ATR: variants seen among roughly 807,000 people sequenced by gnomAD.
ATR encodes the protein ATR checkpoint kinase, also known as serine/threonine-protein kinase ATR.
In ATR, 142 loss-of-function variants were observed where a neutral mutation model predicts 305.3. The observed-to-expected ratio is 0.47, with a 90% CI of 0.41 to 0.53. ATR has a LOEUF of 0.53. Ranked by LOEUF, ATR falls within the 20% of genes least tolerant of loss-of-function variation. The probability of loss-of-function intolerance (pLI) is 0.00; values close to 1 mark genes in which losing one functional copy is unlikely to be tolerated. For synonymous variants in ATR, 1,050 were observed against 1,068.1 expected (o/e 0.98, Z 0.33); for missense variants, 2,135 against 3,133.1 (o/e 0.68, Z 7.60).
chr3:142,512,192 T>G, intron 27 of ATR, 68 bp downstream of exon 27: 3 of 1,284,442 alleles, frequency 2.3e-6, no homozygotes, highest in Non-Finnish European at 3.2e-6. Flanking sequence ...ATAGAACTGA[T>G]AAAGGGAAGA....
chr3:142,487,832 C>T (rs2031036616), intron 35 of ATR, among the ~76,000 whole-genome samples: 1 of 152,136 alleles, frequency 6.6e-6, no homozygotes, highest in African/African-American at 2.4e-5. Flanking sequence ...AACAATCTAC[C>T]TCAAGTTTAC....
At chr3:142,483,437 A>G (rs1340288405) in intron 36 of ATR, among the ~76,000 whole-genome samples, 1 of 152,188 alleles carries the variant, frequency 6.6e-6, no homozygotes, top group Non-Finnish European at 1.5e-5. Context: ...TAACTAGTTT[A>G]AGAATAAGTA....
Position 142,554,054 on chromosome 3 carries a change from T to G in ATR, c.2342-39A>C, listed in dbSNP as rs767646939. On this transcript the variant is annotated intron_variant, in intron 10 of 46. Transcript: ENST00000350721. ...GTATACAATACCTAATTTAACATAT[T>G]AAATGTCAAGGTTGTACTGTAAAAA... The G allele has an allele frequency of 1.0e-5, 15 of 1,503,736 alleles. No individual in the cohort carries two copies. In the Middle Eastern group the frequency reaches 7.1e-4, roughly 71 times the overall value. 93.1% of individuals were successfully genotyped at this position (1,503,736 alleles called of 1,614,324 possible).
intron 38 of ATR, among the ~76,000 whole-genome samples, chr3:142,468,662 AT>A (rs1194945602): frequency 4.6e-5 from 7 of 152,168 alleles, no homozygotes; most frequent in Non-Finnish European, 1.0e-4. Flanking sequence ...ATGAATTCCC[AT>A]TAATGATGCA....
intron 42 of ATR, among the ~76,000 whole-genome samples, chr3:142,461,110 C>T (rs562712853): frequency 3.3e-5 from 5 of 152,054 alleles, no homozygotes; most frequent in Non-Finnish European, 5.9e-5. Context: ...GTAAGGAGTT[C>T]GGACCAGTTA....
chr3:142,532,110 C>G (rs1216555653), intron 21 of ATR, among the ~76,000 whole-genome samples: 1 of 152,172 alleles, frequency 6.6e-6, no homozygotes, highest in African/African-American at 2.4e-5. Context: ...CACTGTCCTG[C>G]ACCCACTGTC....
At chr3:142,545,047 C>T (rs1460746357) in intron 16 of ATR, among the ~76,000 whole-genome samples, 2 of 152,154 alleles carry the variant, frequency 1.3e-5, no homozygotes, top group African/African-American at 4.8e-5. Flanking sequence ...AGTTCTTGCA[C>T]TCAGACAAAC....
In ATR at chr3:142,560,426, T is replaced by A. The variant is rs772054510; in HGVS notation, c.1378A>T (p.Ser460Cys). 1 of 1,613,076 alleles carries A rather than the reference T, an allele frequency of 6.2e-7. No individual in the cohort carries two copies. Among genetic ancestry groups the A allele is most frequent in the Non-Finnish European group, 8.5e-7 (1 of 1,179,132 alleles). ...EIKHVDMNQKSILWSALKQKA... is the reference protein window; with the variant it reads ...EIKHVDMNQKCILWSALKQKA... ...TGTTTCAGTGCACTCCATAATATGC[T>A]CTTTTGGTTCATGTCCACATGTTTA... The change falls in exon 6 of 47, where the codon AGC becomes TGC. Residue 460 changes from serine to cysteine, a missense_variant. By Grantham distance (112) the Ser-to-Cys change is moderately radical. Coordinates refer to ENST00000350721, the MANE Select transcript of ATR (RefSeq NM_001184.4).
intron 27 of ATR, among the ~76,000 whole-genome samples, chr3:142,511,024 GC>G (rs1370845425): frequency 2.0e-5 from 3 of 152,108 alleles, no homozygotes; most frequent in Non-Finnish European, 4.4e-5. Flanking sequence ...TATCTGGACA[GC>G]TGGCTAGATA....
chr3:142,467,254 C>T (rs2071151843), intron 39 of ATR, among the ~76,000 whole-genome samples: 1 of 152,164 alleles, frequency 6.6e-6, no homozygotes, highest in East Asian at 1.9e-4. Flanking sequence ...TTTATCTTTC[C>T]TATACATCCT....
At chr3:142,511,636 A>G (rs531470086) in intron 27 of ATR, among the ~76,000 whole-genome samples, 2 of 152,176 alleles carry the variant, frequency 1.3e-5, no homozygotes, top group Admixed American at 1.3e-4. Flanking sequence ...AGCCTGGGCA[A>G]CAGAGCAAGA....
chr3:142,501,455 C>T (rs2031959717), intron 30 of ATR, among the ~76,000 whole-genome samples: 1 of 152,128 alleles, frequency 6.6e-6, no homozygotes, highest in African/African-American at 2.4e-5. Flanking sequence ...ACTTCTCTGC[C>T]CTTAGACATT....
intron 45 of ATR, among the ~76,000 whole-genome samples, chr3:142,454,479 C>T (rs1577490586): frequency 2.4e-5 from 3 of 126,354 alleles, no homozygotes; most frequent in South Asian, 2.4e-4. Flanking sequence ...GTCTCGCTGT[C>T]GCCCAGGCTG....
intron 34 of ATR, 138 bp from the exon 35 acceptor site, chr3:142,493,449 T>C: frequency 3.0e-6 from 3 of 1,011,084 alleles, no homozygotes; most frequent in Non-Finnish European, 4.2e-6. Context: ...CTTATTAAAG[T>C]AAAATTCTAA....
At chr3:142,454,054 C>T (rs370847066) in intron 45 of ATR, among the ~76,000 whole-genome samples, 1 of 152,196 alleles carries the variant, frequency 6.6e-6, no homozygotes, top group East Asian at 1.9e-4. Context: ...TCTGGTTGCT[C>T]TGCAGGCAAA....
At chr3:142,522,614 A>T (rs2033195353) in intron 23 of ATR, 114 bp downstream of exon 23, 1 of 908,726 alleles carries the variant, frequency 1.1e-6, no homozygotes, top group Non-Finnish European at 1.8e-6. Context: ...GAACTTGTAT[A>T]ACTTTGATAA....
chr3:142,499,179 C>A, intron 31 of ATR: 1 of 381,832 alleles, frequency 2.6e-6, no homozygotes, highest in South Asian at 2.2e-5. Flanking sequence ...CCATGCCCAG[C>A]CTGGTTTCAT....
At chr3:142,470,311 A>G (rs1303968622) in intron 36 of ATR, 128 bp from the exon 37 acceptor site, 3 of 821,352 alleles carry the variant, frequency 3.7e-6, no homozygotes, top group Admixed American at 2.4e-5. Context: ...ATTTCTTCCT[A>G]GAAGTTATTT....
intron 46 of ATR, chr3:142,451,819 T>C: frequency 7.8e-7 from 1 of 1,280,034 alleles, no homozygotes; most frequent in Middle Eastern, 2.9e-4. Flanking sequence ...ATAGCTTGAG[T>C]GTGATCCTGC....
Sources: gnomAD v4.1 joint callset for allele counts (sites outside exome capture counted in the v4.1 genomes callset) on GRCh38, gnomAD v4.1.1 for gene constraint, MANE v1.5 for transcripts, NCBI Gene and HGNC (gene_info 2026-07-23, HGNC 2026-07-21) for gene names.